The following PHLPP2 variants were observed in gnomAD, a reference collection of about 807,000 sequenced individuals.
PHLPP2 encodes the protein PH domain and leucine rich repeat protein phosphatase 2, also known as PH domain leucine-rich repeat-containing protein phosphatase 2.
PHLPP2 carries 66 observed loss-of-function variants against 124.9 expected under a neutral mutation model. That is an observed-to-expected ratio of 0.53 (90% CI 0.43 to 0.65). PHLPP2 has a LOEUF of 0.65. PHLPP2 is among the 30% of genes least tolerant of loss of function. PHLPP2 has a pLI of 0.00. For synonymous variants in PHLPP2, 681 were observed against 624.7 expected (o/e 1.09, Z -1.34); for missense variants, 1,685 against 1,600.4 (o/e 1.05, Z -0.90).
chr16:71,652,699 G>T, intron 18 of PHLPP2, 91 bp downstream of exon 18: 1 of 877,166 alleles, frequency 1.1e-6, no homozygotes, highest in Non-Finnish European at 1.9e-6. Flanking sequence ...TACAGGGCAT[G>T]ATAGGAAGAA....
chr16:71,701,064 G>C (rs1183674898), intron 3 of PHLPP2, among the ~76,000 whole-genome samples: 5 of 152,040 alleles, frequency 3.3e-5, no homozygotes, highest in Non-Finnish European at 7.4e-5. Context: ...CCATGTGAGT[G>C]AACCGTGTTG....
intron 16 of PHLPP2, among the ~76,000 whole-genome samples, chr16:71,656,083 T>C (rs1487931196): frequency 1.3e-5 from 2 of 148,540 alleles, no homozygotes; most frequent in African/African-American, 4.8e-5. Context: ...AAAAGTTGAG[T>C]TTATTACCCC....
At chr16:71,697,773 T>TCTCCAACGC (rs1166341503) in intron 3 of PHLPP2, among the ~76,000 whole-genome samples, 9 of 151,504 alleles carry the variant, frequency 5.9e-5, no homozygotes, top group African/African-American at 1.9e-4. Flanking sequence ...TATGCCACTT[T>TCTCCAACGC]CTCCAACGCA....
chr16:71,655,050 C>A (rs1208997204), intron 17 of PHLPP2, 190 bp downstream of exon 17: 26 of 533,122 alleles, frequency 4.9e-5, no homozygotes, highest in East Asian at 2.6e-4. Flanking sequence ...AAACAGATGA[C>A]CCCCACAGGC....
At chr16:71,672,213 A>G in intron 10 of PHLPP2, 49 bp downstream of exon 10, 1 of 1,368,526 alleles carries the variant, frequency 7.3e-7, no homozygotes. Context: ...ATCCACATGT[A>G]TCTCTTAAAT....
chr16:71,667,875 T>C (rs1263500937), intron 11 of PHLPP2, among the ~76,000 whole-genome samples: 2 of 152,214 alleles, frequency 1.3e-5, no homozygotes, highest in Non-Finnish European at 2.9e-5. Flanking sequence ...ATATTTAGTA[T>C]GTTAAACGCC....
intron 3 of PHLPP2, among the ~76,000 whole-genome samples, chr16:71,692,058 C>G (rs1360735861): frequency 6.6e-6 from 1 of 151,976 alleles, no homozygotes; most frequent in Non-Finnish European, 1.5e-5. Flanking sequence ...GGGTTGTACT[C>G]CTGGTATTAT....
Position 71,690,394 on chromosome 16 carries a change from A to T in PHLPP2, c.609+125T>A, listed in dbSNP as rs192294664. The T allele has an allele frequency of 4.1e-4, 284 of 694,794 alleles. 2 individuals are homozygous for T. Among genetic ancestry groups the T allele is most frequent in the Middle Eastern group, 1.7e-3 (4 of 2,422 alleles). 43.0% of individuals were successfully genotyped at this position (694,794 alleles called of 1,614,324 possible). ...GAACCTCTGAAACAGTCTCTGATAT[A>T]ATCTTTAATAATGCCCATACTGGCT... is the stretch of plus-strand genomic sequence containing the variant. On this transcript the variant is annotated intron_variant, in intron 4 of 18. Transcript: ENST00000568954.
intron 17 of PHLPP2, among the ~76,000 whole-genome samples, chr16:71,654,119 C>T (rs867509966): frequency 7.8e-5 from 11 of 141,786 alleles, no homozygotes; most frequent in African/African-American, 2.3e-4. Flanking sequence ...GGCGTGAACC[C>T]GGGAGACGGA....
chr16:71,681,195 A>T (rs2044994109), intron 6 of PHLPP2, among the ~76,000 whole-genome samples: 1 of 152,114 alleles, frequency 6.6e-6, no homozygotes, highest in South Asian at 2.1e-4. Context: ...TTTTAAGTGG[A>T]GGAATGAGGT....
chr16:71,687,959 A>G (rs2045069565), intron 4 of PHLPP2, among the ~76,000 whole-genome samples: 1 of 152,076 alleles, frequency 6.6e-6, no homozygotes, highest in African/African-American at 2.4e-5. Flanking sequence ...CAGTGGCTTA[A>G]AAAAAATAGA....
At chr16:71,689,545 A>G (rs764325716) in intron 4 of PHLPP2, among the ~76,000 whole-genome samples, 9 of 151,506 alleles carry the variant, frequency 5.9e-5, no homozygotes, top group Non-Finnish European at 1.3e-4. Context: ...GGCACCCACC[A>G]CCATGCCCAG....
intron 2 of PHLPP2, among the ~76,000 whole-genome samples, chr16:71,706,721 T>TA (rs1254644745): frequency 6.6e-6 from 1 of 152,112 alleles, no homozygotes; most frequent in Non-Finnish European, 1.5e-5. Context: ...GTCACACAAT[T>TA]AGTACATAAT....
chr16:71,702,652 T>A lies in PHLPP2; in HGVS notation c.364A>T (p.Ile122Leu). 1.2e-6 allele frequency: 2 copies of A among 1,609,210 alleles called. No homozygotes were observed. Among genetic ancestry groups the A allele is most frequent in the South Asian group, 2.2e-5 (2 of 90,876 alleles). Reference protein sequence around the residue: ...SRLGFDDPVRIQEEATNPDLG... With the variant: ...SRLGFDDPVRLQEEATNPDLG... ...TCAGGATTTGTAGCCTCCTCCTGTA[T>A]GCGCACAGGATCATCAAATCCCAGC... Residue 122 changes from isoleucine to leucine, a missense_variant, in exon 3 of 19, where the codon ATA becomes TTA. Coordinates refer to ENST00000568954, the MANE Select transcript of PHLPP2 (RefSeq NM_015020.3).
At chr16:71,671,738 C>T (rs2044894953) in intron 10 of PHLPP2, among the ~76,000 whole-genome samples, 2 of 151,940 alleles carry the variant, frequency 1.3e-5, no homozygotes, top group Admixed American at 6.6e-5. Flanking sequence ...TGCAGTGAAA[C>T]CCCATCTCTA....
At position 71,679,396 on chromosome 16, in the gene PHLPP2, G is replaced by T. The variant is rs765023471; in HGVS notation, c.1030C>A (p.Leu344Met). ...CTAGTAAAAGTTACTTACTTTAGCA[G>T]ATTGCCAATTTGACTTGGTAGGTCA... ...FHDLPSQIGNLLNLQTLCLDG... is the reference protein window; with the variant it reads ...FHDLPSQIGNMLNLQTLCLDG... The change falls in exon 7 of 19, where the codon CTG (leucine) becomes ATG (methionine). Residue 344 changes from leucine (L) to methionine (M), a missense_variant. Transcript: ENST00000568954. 8.1e-6 allele frequency: 13 copies of T among 1,613,614 alleles called. No homozygotes were observed. The highest frequency in any genetic ancestry group is 1.1e-5 in the Non-Finnish European group (13 of 1,179,672).
intron 13 of PHLPP2, among the ~76,000 whole-genome samples, chr16:71,659,104 A>C (rs2044766179): frequency 6.6e-6 from 1 of 152,150 alleles, no homozygotes; most frequent in South Asian, 2.1e-4. Context: ...CTAGAAAAGG[A>C]GTGGCCTCAA....
At chr16:71,670,148 G>C (rs547159039) in intron 10 of PHLPP2, among the ~76,000 whole-genome samples, 1 of 152,228 alleles carries the variant, frequency 6.6e-6, no homozygotes, top group African/African-American at 2.4e-5. Context: ...ACATGAGCTA[G>C]AGCACAGAGG....
intron 10 of PHLPP2, among the ~76,000 whole-genome samples, chr16:71,671,927 A>C (rs1020024621): frequency 1.3e-5 from 2 of 151,164 alleles, no homozygotes; most frequent in Non-Finnish European, 2.9e-5. Context: ...CAAACAAACA[A>C]ACACCCACTA....
Sources: gnomAD v4.1 joint callset for allele counts (sites outside exome capture counted in the v4.1 genomes callset) on GRCh38, gnomAD v4.1.1 for gene constraint, MANE v1.5 for transcripts, NCBI Gene and HGNC (gene_info 2026-07-23, HGNC 2026-07-21) for gene names.